KLF12: variants seen among roughly 807,000 people sequenced by gnomAD.
KLF12 encodes Krueppel-like factor 12.
Under a neutral mutation model 37.8 loss-of-function variants are expected in KLF12, and 9 were observed. The ratio of observed to expected loss-of-function variants is 0.24; its 90% confidence interval spans 0.14 to 0.42. KLF12 has a LOEUF of 0.42. KLF12 is among the 10% of genes least tolerant of loss of function. The pLI is 1.00. For synonymous variants in KLF12, 208 were observed against 202.1 expected (o/e 1.03, Z -0.25); for missense variants, 411 against 516.0 (o/e 0.80, Z 1.97).
chr13:74,289,944 T>C, the KLF12 span, among the ~76,000 whole-genome samples: 16 of 152,208 alleles, frequency 1.1e-4, no homozygotes, highest in Admixed American at 3.9e-4. Context: ...TGGGCTCTCT[T>C]GTGTATCCTT....
At chr13:73,818,400 A>G (rs1248985763) in intron 4 of KLF12, among the ~76,000 whole-genome samples, 7 of 152,178 alleles carry the variant, frequency 4.6e-5, no homozygotes, top group African/African-American at 1.4e-4. Context: ...CCAAAGGTAT[A>G]TTTCATGTTT....
the KLF12 span, among the ~76,000 whole-genome samples, chr13:74,176,492 A>C: frequency 6.6e-6 from 1 of 151,396 alleles, no homozygotes; most frequent in South Asian, 2.1e-4. Flanking sequence ...CCCTCACCCC[A>C]CTCCATACCC....
At position 74,065,223 on chromosome 13, in the gene KLF12, C is replaced by CACACACAT. The variant is rs66832492; in HGVS notation, c.-32+68515_-32+68516insATGTGTGT. Among the ~76,000 whole-genome samples, 23 of 151,108 alleles carry CACACACAT rather than the reference C, an allele frequency of 1.5e-4. 1 individual carries two copies. The highest frequency in any genetic ancestry group is 2.0e-4 in the East Asian group (1 of 5,098). On this transcript the variant is annotated intron_variant, in intron 1 of 7. Coordinates refer to ENST00000377669, the MANE Select transcript of KLF12 (RefSeq NM_007249.5). Reference sequence around the variant, plus strand: ...TCTTACACACACACACACACACACACATGTATATATATATATACACACTGT... The same window carrying CACACACAT: ...TCTTACACACACACACACACACACACACACACATATGTATATATATATATACACACTGT...
At chr13:74,274,747 ATG>A in the KLF12 span, among the ~76,000 whole-genome samples, 1 of 150,852 alleles carries the variant, frequency 6.6e-6, no homozygotes, top group East Asian at 1.9e-4. Context: ...GTCTTTATGT[ATG>A]TGTAAGCATT....
At chr13:74,264,300 A>G in the KLF12 span, among the ~76,000 whole-genome samples, 4 of 152,210 alleles carry the variant, frequency 2.6e-5, no homozygotes, top group Non-Finnish European at 5.9e-5. Flanking sequence ...TTGGGTCACA[A>G]ACTTAAGCTT....
At chr13:73,742,636 A>G (rs1168228143) in intron 6 of KLF12, among the ~76,000 whole-genome samples, 1 of 152,134 alleles carries the variant, frequency 6.6e-6, no homozygotes, top group African/African-American at 2.4e-5. Context: ...GTATCATTTT[A>G]TTTAATTCTT....
intron 7 of KLF12, among the ~76,000 whole-genome samples, chr13:73,705,153 T>C (rs567115747): frequency 6.6e-6 from 1 of 152,370 alleles, no homozygotes; most frequent in Admixed American, 6.5e-5. Flanking sequence ...TGACTGAGCC[T>C]TGTATTCTGT....
chr13:74,173,635 G>A, the KLF12 span, among the ~76,000 whole-genome samples: 2 of 152,202 alleles, frequency 1.3e-5, no homozygotes, highest in Non-Finnish European at 2.9e-5. Context: ...CCAGATGGAT[G>A]AAGCCTGCAC....
the KLF12 span, among the ~76,000 whole-genome samples, chr13:74,248,147 T>A: frequency 6.6e-6 from 1 of 152,346 alleles, no homozygotes; most frequent in Non-Finnish European, 1.5e-5. Flanking sequence ...GCAACAGGCC[T>A]ACATGTAGTT....
At chr13:73,754,680 A>C (rs758528048) in intron 6 of KLF12, among the ~76,000 whole-genome samples, 1 of 152,174 alleles carries the variant, frequency 6.6e-6, no homozygotes, top group South Asian at 2.1e-4. Context: ...ACTGCTGGCA[A>C]AAAATGCAAA....
At chr13:74,050,171 GA>G (rs1593858009) in intron 1 of KLF12, among the ~76,000 whole-genome samples, 1 of 152,182 alleles carries the variant, frequency 6.6e-6, no homozygotes, top group Non-Finnish European at 1.5e-5. Flanking sequence ...AGAGTGGGGA[GA>G]GAAAAGTAAC....
intron 3 of KLF12, among the ~76,000 whole-genome samples, chr13:73,865,183 C>T (rs1886111957): frequency 1.3e-5 from 2 of 152,092 alleles, no homozygotes; most frequent in South Asian, 4.1e-4. Context: ...TCTATAATCA[C>T]ATTATCTCAG....
intron 2 of KLF12, among the ~76,000 whole-genome samples, chr13:73,966,768 C>T (rs1891181273): frequency 1.3e-5 from 2 of 152,130 alleles, no homozygotes; most frequent in Admixed American, 1.3e-4. Flanking sequence ...AATTTATATG[C>T]CCAGTAATGT....
intron 1 of KLF12, among the ~76,000 whole-genome samples, chr13:74,018,961 A>G (rs1272696039): frequency 2.0e-5 from 3 of 152,204 alleles, no homozygotes; most frequent in African/African-American, 4.8e-5. Flanking sequence ...GATGAAAACA[A>G]TCGATATCAG....
chr13:73,890,296 A>C (rs1887442382), intron 3 of KLF12, among the ~76,000 whole-genome samples: 1 of 152,134 alleles, frequency 6.6e-6, no homozygotes, highest in Non-Finnish European at 1.5e-5. Context: ...TCTTTCAAGT[A>C]ATGAAAGTCA....
intron 3 of KLF12, among the ~76,000 whole-genome samples, chr13:73,874,975 T>C (rs1370673800): frequency 6.6e-6 from 1 of 152,174 alleles, no homozygotes; most frequent in Non-Finnish European, 1.5e-5. Context: ...AATTATGAGA[T>C]ATAAAAATAT....
intron 5 of KLF12, among the ~76,000 whole-genome samples, chr13:73,795,761 G>GCTCCTTGTTTTCTA (rs1023808819): frequency 1.3e-5 from 2 of 152,094 alleles, no homozygotes; most frequent in Non-Finnish European, 2.9e-5. Context: ...CAAAAGAAAA[G>GCTCCTTGTTTTCTA]CTCCTTGTTT....
intron 1 of KLF12, among the ~76,000 whole-genome samples, chr13:74,058,629 T>C (rs139820923): frequency 1.1e-3 from 169 of 152,300 alleles, no homozygotes; most frequent in African/African-American, 3.9e-3. Flanking sequence ...GTGCTGGGAT[T>C]ACAGGCTCAT....
chr13:74,079,145 C>A (rs1874732500), intron 1 of KLF12, among the ~76,000 whole-genome samples: 1 of 152,102 alleles, frequency 6.6e-6, no homozygotes, highest in Admixed American at 6.6e-5. Flanking sequence ...ATAAGCCAGT[C>A]ACCAGAAGAA....
Sources: gnomAD v4.1 joint callset for allele counts (sites outside exome capture counted in the v4.1 genomes callset) on GRCh38, gnomAD v4.1.1 for gene constraint, MANE v1.5 for transcripts, NCBI Gene and HGNC (gene_info 2026-07-23, HGNC 2026-07-21) for gene names.